The following YY1AP1 variants were observed in gnomAD, a reference collection of about 807,000 sequenced individuals.
YY1AP1 encodes the protein YY1-associated protein 1.
Under a neutral mutation model 39.9 loss-of-function variants are expected in YY1AP1, and 43 were observed. The observed-to-expected ratio is 1.08, with a 90% CI of 0.84 to 1.39. The LOEUF (loss-of-function observed/expected upper bound fraction) is 1.39. Among genes scored for constraint, YY1AP1 ranks in the 40% most tolerant of loss-of-function variants. YY1AP1 has a pLI of 0.00. For missense variants in YY1AP1, 813 were observed against 900.7 expected (o/e 0.90, Z 1.25); for synonymous variants, 292 against 331.3 (o/e 0.88, Z 1.29).
chr1:155,663,300 GGTGGAGAGTGCA>G (rs1648447217), intron 9 of YY1AP1, among the ~76,000 whole-genome samples: 1 of 150,608 alleles, frequency 6.6e-6, no homozygotes, highest in African/African-American at 2.5e-5. Context: ...GAACCCAGGA[GGTGGAGAGTGCA>G]GTGGGCCGAC....
intron 3 of YY1AP1, 94 bp downstream of exon 3, chr1:155,680,322 C>G: frequency 1.4e-6 from 2 of 1,435,306 alleles, no homozygotes; most frequent in South Asian, 1.2e-5. Flanking sequence ...GGTTCAGTCC[C>G]TCTTCTAGAA....
chr1:155,687,959 T>C (rs1450473313), intron 2 of YY1AP1, 112 bp downstream of exon 2: 72 of 1,242,492 alleles, frequency 5.8e-5, no homozygotes, highest in Non-Finnish European at 7.9e-5. Flanking sequence ...TCTTCACCAC[T>C]GCTCTCCCAG....
At chr1:155,676,424 G>A (rs1650694628) in intron 5 of YY1AP1, 124 bp downstream of exon 5, 1 of 1,163,924 alleles carries the variant, frequency 8.6e-7, no homozygotes, top group African/African-American at 1.5e-5. Context: ...AGATACTACG[G>A]TTTTAATACG....
intron 9 of YY1AP1, among the ~76,000 whole-genome samples, chr1:155,664,172 C>G (rs1211780471): frequency 6.6e-6 from 1 of 151,156 alleles, no homozygotes; most frequent in African/African-American, 2.4e-5. Context: ...TAACACCACA[C>G]TAGGAGTTAG....
intron 1 of YY1AP1, 28 bp downstream of exon 1, chr1:155,688,631 C>CTGCAG: frequency 6.5e-7 from 1 of 1,534,578 alleles, no homozygotes; most frequent in African/African-American, 1.4e-5. Flanking sequence ...CCTGTCAAGC[C>CTGCAG]GGCTCCAGCG....
At chr1:155,666,569 C>T (rs982715542) in intron 9 of YY1AP1, among the ~76,000 whole-genome samples, 21 of 152,064 alleles carry the variant, frequency 1.4e-4, no homozygotes, top group African/African-American at 3.9e-4. Flanking sequence ...CTTCGGCTTC[C>T]GTGGTTTATG....
In YY1AP1 at chr1:155,674,125, C is replaced by T. The variant is rs11805553; in HGVS notation, c.411+885G>A. ...GCAGTGAGCCGAGATCCCGCCACTG[C>T]ACTCCAGCCTGGGCGACAGAGCGAG... On this transcript the variant is annotated intron_variant, in intron 6 of 10. Coordinates refer to ENST00000355499, the MANE Select transcript of YY1AP1 (RefSeq NM_139119.3). Among the ~76,000 whole-genome samples the T allele has an allele frequency of 3.1e-3, 429 of 138,662 alleles. 3 individuals are homozygous for T. Among genetic ancestry groups the T allele is most frequent in the African/African-American group, 0.012 (415 of 35,452 alleles). The allele number at this position is 138,662 out of a possible 152,430, so 91.0% of individuals were successfully genotyped here.
Position 155,688,111 on chromosome 1 carries a change from G to T in YY1AP1, c.-61C>A. 2 of 1,610,396 alleles carry T rather than the reference G, an allele frequency of 1.2e-6. No individual in the cohort carries two copies. Among genetic ancestry groups the T allele is most frequent in the Non-Finnish European group, 1.7e-6 (2 of 1,177,612 alleles). On this transcript the variant is annotated 5_prime_UTR_variant, in exon 2 of 11. Transcript: ENST00000355499. The stretch of plus-strand genomic sequence containing the variant: ...GAGCGATGAGAGTACAGGGAAGTGA[G>T]GAAGAGGGGGTGGCCGCCAGGCTCC...
At position 155,688,756 on chromosome 1, in the gene YY1AP1, GC is replaced by G. The variant is rs2149091334; in HGVS notation, c.-250del. Reference sequence around the variant, plus strand: ...ACCAACCGCCGCCAAAGCAGCCGCCGCCAGCACCCCCACCCTACACTCCTCG... The same window carrying G: ...ACCAACCGCCGCCAAAGCAGCCGCCGCAGCACCCCCACCCTACACTCCTCG... On this transcript the variant is annotated 5_prime_UTR_variant, in exon 1 of 11. Transcript: ENST00000355499. 1 of 1,505,922 alleles carries G rather than the reference GC, an allele frequency of 6.6e-7. No homozygotes were observed. Among genetic ancestry groups the G allele is most frequent in the South Asian group, 1.2e-5 (1 of 81,516 alleles). The allele number at this position is 1,505,922 out of a possible 1,614,324, so 93.3% of individuals were successfully genotyped here.
chr1:155,685,459 A>G (rs1308466539), intron 2 of YY1AP1, among the ~76,000 whole-genome samples: 2 of 152,182 alleles, frequency 1.3e-5, no homozygotes. Context: ...AAATCACCTC[A>G]GGCCCAATCC....
At chr1:155,675,452 C>A (rs1401364254) in intron 5 of YY1AP1, among the ~76,000 whole-genome samples, 1 of 151,990 alleles carries the variant, frequency 6.6e-6, no homozygotes, top group Non-Finnish European at 1.5e-5. Context: ...CTCAACCTCC[C>A]GAGTAGCTGG....
At chr1:155,686,493 A>T (rs1018816034) in intron 2 of YY1AP1, among the ~76,000 whole-genome samples, 5 of 152,086 alleles carry the variant, frequency 3.3e-5, no homozygotes, top group Admixed American at 1.3e-4. Context: ...CTTAATACCT[A>T]CCACCGTCAA....
chr1:155,685,205 A>C (rs1236525634), intron 2 of YY1AP1, among the ~76,000 whole-genome samples: 3 of 152,218 alleles, frequency 2.0e-5, no homozygotes, highest in African/African-American at 4.8e-5. Context: ...GTTATTCCTA[A>C]GAATAAGTAG....
chr1:155,688,676 C>T lies in YY1AP1; in HGVS notation c.-169G>A. ...ACGCGTACCTTCAGCGGCGCGAGCC[C>T]AAGCCTTCTCCACCTCCTCTTCTCT... On this transcript the variant is annotated 5_prime_UTR_variant, in exon 1 of 11. Transcript: ENST00000355499. 1 of 1,532,194 alleles carries T rather than the reference C, an allele frequency of 6.5e-7. No individual in the cohort carries two copies. The highest frequency in any genetic ancestry group is 8.7e-7 in the Non-Finnish European group (1 of 1,145,848). The allele number at this position is 1,532,194 out of a possible 1,614,324, so 94.9% of individuals were successfully genotyped here.
intron 5 of YY1AP1, among the ~76,000 whole-genome samples, chr1:155,675,808 C>T (rs1195301118): frequency 6.6e-6 from 1 of 152,180 alleles, no homozygotes; most frequent in African/African-American, 2.4e-5. Context: ...ACAAATTTTG[C>T]TTTCTGCAAA....
chr1:155,687,923 C>G (rs1218365323), intron 2 of YY1AP1, 148 bp downstream of exon 2: 1 of 908,420 alleles, frequency 1.1e-6, no homozygotes, highest in South Asian at 2.0e-5. Flanking sequence ...GGCTCAGGAT[C>G]CCCCTCCCTG....
chr1:155,659,598 C>T lies in YY1AP1; in HGVS notation c.*59G>A, dbSNP rs890910947. ...GGTTTCCTATTGGTTACACCCTATG[C>T]GCCACCAATCGGAGGCCGAAGTGAA... On this transcript the variant is annotated 3_prime_UTR_variant, in exon 11 of 11. Coordinates refer to ENST00000355499, the MANE Select transcript of YY1AP1 (RefSeq NM_139119.3). The T allele has an allele frequency of 1.1e-5, 17 of 1,580,928 alleles. No individual in the cohort carries two copies. The highest frequency in any genetic ancestry group is 5.1e-5 in the Admixed American group (3 of 59,310).
Position 155,659,656 on chromosome 1 carries a change from C to G in YY1AP1, c.*1G>C, listed in dbSNP as rs892603033. On this transcript the variant is annotated 3_prime_UTR_variant, in exon 11 of 11. Transcript: ENST00000355499. ...AGTCTCCAGACTCTTATTCTCCTAGCTCAAAGAAATCCACTGATTTCCTCT... is the reference window on the plus strand; with the variant it reads ...AGTCTCCAGACTCTTATTCTCCTAGGTCAAAGAAATCCACTGATTTCCTCT... 13 of 1,614,148 alleles carry G rather than the reference C, an allele frequency of 8.1e-6. No homozygotes were observed. The highest frequency in any genetic ancestry group is 1.1e-5 in the Non-Finnish European group (13 of 1,180,010).
In YY1AP1 at chr1:155,679,514, T is replaced by C. The variant is rs1223594917; in HGVS notation, c.22-2A>G. 13 of 1,614,162 alleles carry C rather than the reference T, an allele frequency of 8.1e-6. No homozygotes were observed. Among genetic ancestry groups the C allele is most frequent in the Non-Finnish European group, 1.1e-5 (13 of 1,180,014 alleles). ...GGAGAATCCCATCTCATCTTGGAAC[T>C]GTGGGCAAAGGAAAGGGAGGGTTTT... On this transcript the variant is annotated splice_acceptor_variant, in intron 3 of 10. Transcript: ENST00000355499. LOFTEE classifies it high-confidence loss of function.
Sources: allele counts gnomAD v4.1 joint callset (sites outside exome capture counted in the v4.1 genomes callset), GRCh38; gene constraint gnomAD v4.1.1; transcripts MANE v1.5; gene names NCBI Gene and HGNC (gene_info 2026-07-23, HGNC 2026-07-21).